The following TNFSF8 variants were observed in gnomAD, a reference collection of about 807,000 sequenced individuals.
TNFSF8 encodes TNF superfamily member 8, also known as tumor necrosis factor ligand superfamily member 8.
TNFSF8 carries 4 observed loss-of-function variants against 22.0 expected under a neutral mutation model. That is an observed-to-expected ratio of 0.18 (90% confidence interval 0.09 to 0.42). TNFSF8 has a LOEUF of 0.42. Among genes scored for constraint, TNFSF8 ranks in the 10% least tolerant of loss-of-function variants. TNFSF8 has a pLI of 1.00. For synonymous variants in TNFSF8, 106 were observed against 112.5 expected (o/e 0.94, Z 0.37); for missense variants, 233 against 281.8 (o/e 0.83, Z 1.24).
Position 114,903,950 on chromosome 9 carries a change from A to G in TNFSF8, c.686T>C (p.Leu229Ser). The part of the protein sequence containing the change: ...FPLENVLSIF[L>S]YSNSD The stretch of plus-strand genomic sequence containing the variant: ...AACTGTTCAGTCTGAATTACTGTAT[A>G]AGAAGATGGACAACACATTCTCAAG... Residue 229 changes from leucine to serine, a missense_variant, in exon 4 of 4, where the codon TTA (leucine) becomes TCA (serine). Coordinates refer to ENST00000223795, the MANE Select transcript of TNFSF8 (RefSeq NM_001244.4). 3.7e-6 allele frequency: 6 copies of G among 1,612,850 alleles called. No homozygotes were observed. The highest frequency in any genetic ancestry group is 5.1e-6 in the Non-Finnish European group (6 of 1,179,174).
At chr9:114,917,026 T>C (rs920578257) in intron 2 of TNFSF8, among the ~76,000 whole-genome samples, 2 of 152,176 alleles carry the variant, frequency 1.3e-5, no homozygotes, top group African/African-American at 4.8e-5. Context: ...AGAATCCCTG[T>C]CTTTTGGGGA....
chr9:114,918,607 A>G (rs556061039), intron 1 of TNFSF8, among the ~76,000 whole-genome samples: 1 of 152,044 alleles, frequency 6.6e-6, no homozygotes, highest in South Asian at 2.1e-4. Flanking sequence ...ACACCACTAC[A>G]CTCAGCTAAT....
Position 114,919,636 on chromosome 9 carries a change from AAG to A in TNFSF8, c.196-1500_196-1499del, listed in dbSNP as rs769580647. On this transcript the variant is annotated intron_variant, in intron 1 of 3. Transcript: ENST00000223795. The stretch of plus-strand genomic sequence containing the variant: ...ATTGCATTGAATTAAAATATTAGTA[AAG>A]ACCTAGAGAGGTGTGAGCGTGTGTA... Among the ~76,000 whole-genome samples, 56 of 152,298 alleles carry A rather than the reference AAG, an allele frequency of 3.7e-4. 1 individual carries two copies. The Middle Eastern group carries it at 0.024, about 65-fold the overall frequency.
chr9:114,913,012 G>C (rs1827871221), intron 2 of TNFSF8, among the ~76,000 whole-genome samples: 1 of 152,174 alleles, frequency 6.6e-6, no homozygotes, highest in Non-Finnish European at 1.5e-5. Context: ...ATCCATCTCA[G>C]GGTTAGGACA....
chr9:114,898,068 T>C (rs1827675420), downstream of TNFSF8, among the ~76,000 whole-genome samples: 1 of 151,588 alleles, frequency 6.6e-6, no homozygotes, highest in Non-Finnish European at 1.5e-5. Context: ...AGTGACATGA[T>C]CTCAGCTCAC....
At position 114,928,028 on chromosome 9, in the gene TNFSF8, T is replaced by C. The variant is rs578067645; in HGVS notation, c.195+2081A>G. On this transcript the variant is annotated intron_variant, in intron 1 of 3. Coordinates refer to ENST00000223795, the MANE Select transcript of TNFSF8 (RefSeq NM_001244.4). ...GGTCTGAGGAATTTATTGAAAATGA[T>C]ATGTGCAATGCATTTGACACTTTAT... Among the ~76,000 whole-genome samples the C allele has an allele frequency of 2.0e-5, 3 of 152,316 alleles. No individual in the cohort carries two copies. In the South Asian group the frequency reaches 6.2e-4, roughly 32 times the overall value.
chr9:114,911,945 A>G (rs1827856747), intron 2 of TNFSF8, among the ~76,000 whole-genome samples: 1 of 152,202 alleles, frequency 6.6e-6, no homozygotes, highest in Non-Finnish European at 1.5e-5. Flanking sequence ...GTCTGGAGAC[A>G]TAGGGTAAAT....
chr9:114,895,652 T>C (rs1011424001), intron 4 of TNFSF8, among the ~76,000 whole-genome samples: 10 of 152,222 alleles, frequency 6.6e-5, no homozygotes, highest in African/African-American at 2.4e-4. Flanking sequence ...TTATTCTATG[T>C]GTTTGTTCTC....
intron 1 of TNFSF8, among the ~76,000 whole-genome samples, chr9:114,929,357 C>CT (rs370592705): frequency 0.02 from 2,668 of 133,026 alleles, 35 homozygotes; most frequent in East Asian, 0.047. Flanking sequence ...TGTGCTGTTT[C>CT]TTTTTTTTTT....
At chr9:114,924,177 A>G (rs10817683) in intron 1 of TNFSF8, among the ~76,000 whole-genome samples, 82,811 of 152,074 alleles carry the variant, frequency 0.54, 24,673 homozygotes, top group African/African-American at 0.8. Flanking sequence ...AGATCACCTG[A>G]GGAGCTTGTT....
At chr9:114,894,782 G>A (rs1481588763) in intron 4 of TNFSF8, among the ~76,000 whole-genome samples, 7 of 152,216 alleles carry the variant, frequency 4.6e-5, no homozygotes, top group African/African-American at 7.2e-5. Flanking sequence ...ACACATCAAA[G>A]TAATGAATGA....
At chr9:114,919,233 A>T (rs1431806653) in intron 1 of TNFSF8, among the ~76,000 whole-genome samples, 1 of 152,072 alleles carries the variant, frequency 6.6e-6, no homozygotes, top group Admixed American at 6.6e-5. Flanking sequence ...ATGTATACAC[A>T]TGTAGTATAC....
At chr9:114,929,372 T>G (rs1052172552) in intron 1 of TNFSF8, among the ~76,000 whole-genome samples, 20 of 151,756 alleles carry the variant, frequency 1.3e-4, no homozygotes, top group Admixed American at 2.6e-4. Flanking sequence ...TTTTTTTTTT[T>G]TGTGACGCCC....
exon 5 of TNFSF8, chr9:114,893,991 G>A: frequency 2.7e-6 from 3 of 1,098,984 alleles, no homozygotes; most frequent in Non-Finnish European, 4.0e-6. Flanking sequence ...CAGAGTGACT[G>A]GTACCATCAA....
intron 2 of TNFSF8, among the ~76,000 whole-genome samples, chr9:114,912,564 A>G (rs1387458916): frequency 2.0e-5 from 3 of 150,944 alleles, no homozygotes; most frequent in Non-Finnish European, 4.4e-5. Flanking sequence ...TAATTTTTGT[A>G]TTTTTTTTTG....
downstream of TNFSF8, among the ~76,000 whole-genome samples, chr9:114,900,761 T>G (rs979370388): frequency 2.0e-5 from 3 of 152,112 alleles, no homozygotes. Flanking sequence ...GTGGGCAGAT[T>G]GCTTGAGGTC....
In TNFSF8 at chr9:114,902,469, G is replaced by A. The variant is rs1361277290; in HGVS notation, c.*1462C>T. The A allele has an allele frequency of 2.0e-6, 2 of 985,302 alleles. No individual in the cohort carries two copies. The highest frequency in any genetic ancestry group is 2.3e-4 in the East Asian group (2 of 8,832). 61.0% of individuals were successfully genotyped at this position (985,302 alleles called of 1,614,324 possible). ...CTGCTCAATTATTGTCAATCTAACT[G>A]GAATAGAGTCAGGCCTCGTCAGATG... On this transcript the variant is annotated 3_prime_UTR_variant, in exon 4 of 4. Transcript: ENST00000223795.
downstream of TNFSF8, among the ~76,000 whole-genome samples, chr9:114,896,410 G>A (rs889577679): frequency 6.6e-6 from 1 of 152,182 alleles, no homozygotes; most frequent in Non-Finnish European, 1.5e-5. Flanking sequence ...GCTCTAGGAA[G>A]TGGCCTGGGA....
chr9:114,929,205 C>G (rs1287767142), intron 1 of TNFSF8, among the ~76,000 whole-genome samples: 1 of 152,140 alleles, frequency 6.6e-6, no homozygotes, highest in Non-Finnish European at 1.5e-5. Flanking sequence ...CTTCTGTTTT[C>G]AGAAACAAAT....
Sources: gnomAD v4.1 joint callset for allele counts (sites outside exome capture counted in the v4.1 genomes callset) on GRCh38, gnomAD v4.1.1 for gene constraint, MANE v1.5 for transcripts, NCBI Gene and HGNC (gene_info 2026-07-23, HGNC 2026-07-21) for gene names.